The following JPH1 variants were observed in gnomAD, a reference collection of about 807,000 sequenced individuals.
JPH1 encodes the protein junctophilin-1.
A neutral mutation model predicts 53.6 loss-of-function variants in JPH1; 12 were observed. That is an observed-to-expected ratio of 0.22 (90% CI 0.14 to 0.36). The LOEUF is 0.36. Ranked by LOEUF, JPH1 falls within the 10% of genes least tolerant of loss-of-function variation. The pLI is 1.00. For missense variants in JPH1, 808 were observed against 905.5 expected, an observed-to-expected ratio of 0.89 and a Z score of 1.38; for synonymous variants, 375 against 363.8, an observed-to-expected ratio of 1.03 and a Z score of -0.35.
Position 74,321,060 on chromosome 8 carries a change from C to T in JPH1, c.228G>A (p.Thr76=), listed in dbSNP as rs1318182555. 6.2e-7 allele frequency: 1 copy of T among 1,613,526 alleles called. No homozygotes were observed. Among genetic ancestry groups the T allele is most frequent in the Non-Finnish European group, 8.5e-7 (1 of 1,179,750 alleles). Residue 76 remains threonine (T), a synonymous_variant, in exon 1 of 6, where the codon ACG becomes ACA. Coordinates refer to ENST00000342232, the MANE Select transcript of JPH1 (RefSeq NM_020647.4). The surrounding 1 kb of genome is among the most constrained non-coding windows in gnomAD (Gnocchi z 4.3). ...QGKRHGLGVE[T]KGKWMYRGEW... is the part of the protein sequence containing the mutation. ...CCCCCCGGTACATCCACTTGCCCTTCGTCTCCACCCCCAGCCCGTGCCGCT... is the reference window on the plus strand; with the variant it reads ...CCCCCCGGTACATCCACTTGCCCTTTGTCTCCACCCCCAGCCCGTGCCGCT...
chr8:74,252,260 G>T (rs1005379411), intron 3 of JPH1, among the ~76,000 whole-genome samples: 10 of 152,164 alleles, frequency 6.6e-5, no homozygotes, highest in African/African-American at 2.4e-4. Context: ...ACACAGGCAT[G>T]GGCAAGGACT....
Position 74,237,247 on chromosome 8 carries a change from A to C in JPH1, c.1962T>G (p.Ile654Met). The change falls in exon 5 of 6, where the codon ATT becomes ATG. Residue 654 changes from isoleucine (I) to methionine (M), a missense_variant. Physicochemically the swap from Ile to Met is conservative, Grantham distance 10 (BLOSUM62 1). Around this residue, in one of 2 missense-constraint regions of JPH1, gnomAD observed 756 missense variants for 811.9 expected, o/e 0.93. Coordinates refer to ENST00000342232, the MANE Select transcript of JPH1 (RefSeq NM_020647.4). ...ATCAAGTTAGAAAGTGAACAAAAAG[A>C]ATGGCCAACCCGATATTCAACAGCA... ...LVMLLNIGLAILFVHFLT is the reference protein window; with the variant it reads ...LVMLLNIGLAMLFVHFLT 2 of 1,613,514 alleles carry C rather than the reference A, an allele frequency of 1.2e-6. No homozygotes were observed. Among genetic ancestry groups the C allele is most frequent in the Non-Finnish European group, 1.7e-6 (2 of 1,179,690 alleles).
intron 2 of JPH1, among the ~76,000 whole-genome samples, chr8:74,288,768 G>A (rs1807240515): frequency 6.6e-6 from 1 of 152,134 alleles, no homozygotes; most frequent in South Asian, 2.1e-4. Context: ...AATTAGGTTG[G>A]CGCAAAAATA....
chr8:74,307,487 C>G (rs1445307909), intron 2 of JPH1, among the ~76,000 whole-genome samples: 1 of 152,166 alleles, frequency 6.6e-6, no homozygotes, highest in Non-Finnish European at 1.5e-5. Flanking sequence ...GACAGGCAGC[C>G]AAGGTGCAGA....
intron 2 of JPH1, among the ~76,000 whole-genome samples, chr8:74,264,691 T>C (rs919694325): frequency 6.6e-6 from 1 of 152,188 alleles, no homozygotes; most frequent in Non-Finnish European, 1.5e-5. Flanking sequence ...GTGATTTTTG[T>C]CAATGAGATA....
intron 2 of JPH1, among the ~76,000 whole-genome samples, chr8:74,272,013 G>A (rs911215716): frequency 6.6e-6 from 1 of 152,206 alleles, no homozygotes; most frequent in African/African-American, 2.4e-5. Flanking sequence ...CTCGAGGGGC[G>A]GTTACTCACT....
At chr8:74,300,517 A>C (rs1416279547) in intron 2 of JPH1, among the ~76,000 whole-genome samples, 1 of 152,220 alleles carries the variant, frequency 6.6e-6, no homozygotes, top group Non-Finnish European at 1.5e-5. Context: ...ATAACTGGTA[A>C]GTGAGTTGTG....
intron 1 of JPH1, among the ~76,000 whole-genome samples, chr8:74,316,456 G>A (rs900679559): frequency 2.0e-5 from 3 of 152,180 alleles, no homozygotes; most frequent in Admixed American, 1.3e-4. Flanking sequence ...GAATTACTTC[G>A]TATGAGAACA....
Position 74,320,925 on chromosome 8 carries a change from C to A in JPH1, c.363G>T (p.Glu121Asp). Residue 121 changes from glutamate to aspartate, a missense_variant, in exon 1 of 6, where the codon GAG (glutamate) becomes GAT (aspartate). Glu to Asp is a conservative substitution (Grantham distance 45, BLOSUM62 2). Transcript: ENST00000342232. This position sits in a 1 kb window ranked among gnomAD's most constrained non-coding sequence, Gnocchi z 4.4. ...GCCGCTCACCTCCGTCCCCGTAGGT[C>A]TCCACGCCGTACCCGTCTTGCAGCC... ...SNGLQDGYGVETYGDGGTYQG... is the reference protein window; with the variant it reads ...SNGLQDGYGVDTYGDGGTYQG... The A allele has an allele frequency of 6.3e-7, 1 of 1,583,484 alleles. No individual in the cohort carries two copies. Among genetic ancestry groups the A allele is most frequent in the South Asian group, 1.2e-5 (1 of 86,150 alleles).
intron 2 of JPH1, among the ~76,000 whole-genome samples, chr8:74,312,438 G>A (rs1031833680): frequency 2.0e-5 from 3 of 152,070 alleles, no homozygotes; most frequent in East Asian, 1.9e-4. Flanking sequence ...TTGCAGAGAC[G>A]GGGGTCTCAC....
chr8:74,259,259 G>T, intron 3 of JPH1, 126 bp downstream of exon 3: 1 of 686,648 alleles, frequency 1.5e-6, no homozygotes, highest in Non-Finnish European at 2.5e-6. Flanking sequence ...AGGCGCCCTT[G>T]CTTGTTTTGT....
intron 2 of JPH1, among the ~76,000 whole-genome samples, chr8:74,265,033 TC>T (rs1806492670): frequency 6.6e-6 from 1 of 152,210 alleles, no homozygotes. Flanking sequence ...TCCTTTCTAA[TC>T]ACATGACTCT....
intron 3 of JPH1, among the ~76,000 whole-genome samples, chr8:74,251,744 TAC>T (rs1374554749): frequency 2.0e-5 from 3 of 151,944 alleles, no homozygotes; most frequent in African/African-American, 7.3e-5. Flanking sequence ...TGTAGAATAA[TAC>T]AGTTTTTTAA....
intron 3 of JPH1, among the ~76,000 whole-genome samples, chr8:74,247,010 G>A (rs913772443): frequency 3.3e-5 from 5 of 152,302 alleles, no homozygotes; most frequent in African/African-American, 1.2e-4. Context: ...TTGGTGCTGT[G>A]TGTCTGGACA....
At position 74,315,625 on chromosome 8, in the gene JPH1, G is replaced by A. The variant is rs1808135185; in HGVS notation, c.380-5C>T. On this transcript the variant is annotated splice_polypyrimidine_tract_variant and splice_region_variant and intron_variant, in intron 1 of 5. Transcript: ENST00000342232. This position sits in a 1 kb window ranked among gnomAD's most constrained non-coding sequence, Gnocchi z 6.3. The stretch of plus-strand genomic sequence containing the variant: ...CCCACTGGCCCTGGTAGGTACCTTG[G>A]AGAGACCGCAAGAAAGCACCGTGAG... 6.3e-7 allele frequency: 1 copy of A among 1,588,470 alleles called. No homozygotes were observed. Among genetic ancestry groups the A allele is most frequent in the Non-Finnish European group, 8.5e-7 (1 of 1,171,756 alleles).
chr8:74,258,603 A>G (rs1237989080), intron 3 of JPH1, among the ~76,000 whole-genome samples: 1 of 152,148 alleles, frequency 6.6e-6, no homozygotes, highest in Non-Finnish European at 1.5e-5. Context: ...ATGCTGCTAT[A>G]CTTCCTAACC....
In JPH1 at chr8:74,315,060, G is replaced by T. The variant is rs765942231; in HGVS notation, c.940C>A (p.His314Asn). ...GGAAACACGGTACAGCCATATCCATGCCTCTTGTTATTTGCCCACTCCCCT... is the reference window on the plus strand; with the variant it reads ...GGAAACACGGTACAGCCATATCCATTCCTCTTGTTATTTGCCCACTCCCCT... ...YEGEWANNKRHGYGCTVFPDG... is the reference protein window; with the variant it reads ...YEGEWANNKRNGYGCTVFPDG... The change falls in exon 2 of 6, where the codon CAT (histidine) becomes AAT (asparagine). Residue 314 changes from histidine (H) to asparagine (N), a missense_variant. Coordinates refer to ENST00000342232, the MANE Select transcript of JPH1 (RefSeq NM_020647.4). This position sits in a 1 kb window ranked among gnomAD's most constrained non-coding sequence, Gnocchi z 6.3. The T allele has an allele frequency of 6.2e-7, 1 of 1,614,176 alleles. No homozygotes were observed. Among genetic ancestry groups the T allele is most frequent in the South Asian group, 1.1e-5 (1 of 91,080 alleles).
At chr8:74,279,500 G>A (rs1806946736) in intron 2 of JPH1, among the ~76,000 whole-genome samples, 1 of 152,130 alleles carries the variant, frequency 6.6e-6, no homozygotes, top group African/African-American at 2.4e-5. Context: ...AGGTTCCTAG[G>A]GGGCTGAGCA....
At chr8:74,296,696 T>A (rs1267150196) in intron 2 of JPH1, among the ~76,000 whole-genome samples, 2 of 152,228 alleles carry the variant, frequency 1.3e-5, no homozygotes, top group Non-Finnish European at 2.9e-5. Flanking sequence ...CCTAAAAATT[T>A]CATTTTTTTC....
Sources: allele counts gnomAD v4.1 joint callset (sites outside exome capture counted in the v4.1 genomes callset), GRCh38; gene constraint gnomAD v4.1.1; regional missense constraint gnomAD v4.1.1; non-coding constraint Gnocchi (gnomAD v3.1); transcripts MANE v1.5; gene names NCBI Gene and HGNC (gene_info 2026-07-23, HGNC 2026-07-21).